Variants in GLRA3 observed in about 807,000 individuals in gnomAD.
GLRA3 encodes glycine receptor subunit alpha-3.
A neutral mutation model predicts 60.4 loss-of-function variants in GLRA3; 44 were observed. The observed-to-expected ratio is 0.73, with a 90% CI of 0.57 to 0.94. The LOEUF is 0.94. Among genes scored for constraint, GLRA3 ranks in the 40% least tolerant of loss-of-function variants. GLRA3 has a pLI of 0.00. For synonymous variants in GLRA3, 223 were observed against 192.9 expected (o/e 1.16, Z -1.29); for missense variants, 508 against 564.6 (o/e 0.90, Z 1.02).
chr4:174,719,018 A>T (rs929105530), intron 4 of GLRA3, among the ~76,000 whole-genome samples: 1 of 124,224 alleles, frequency 8.0e-6, no homozygotes, highest in African/African-American at 3.1e-5. Flanking sequence ...GCTGGAGTGC[A>T]GTGGCGCAAT....
At chr4:174,790,884 G>C (rs1739319058) in intron 1 of GLRA3, among the ~76,000 whole-genome samples, 6 of 145,514 alleles carry the variant, frequency 4.1e-5, no homozygotes, top group Admixed American at 1.4e-4. Flanking sequence ...GGCTCCTGTA[G>C]TCCCAGCTAC....
intron 7 of GLRA3, among the ~76,000 whole-genome samples, chr4:174,668,296 T>A (rs890970927): frequency 6.6e-6 from 1 of 152,168 alleles, no homozygotes; most frequent in Non-Finnish European, 1.5e-5. Flanking sequence ...GAGAAATAGA[T>A]GGTTTGCATA....
chr4:174,821,251 T>C (rs1431157850), intron 1 of GLRA3, among the ~76,000 whole-genome samples: 3 of 152,212 alleles, frequency 2.0e-5, no homozygotes, highest in Non-Finnish European at 2.9e-5. Context: ...ACTATATGCA[T>C]TTATGGAAAA....
chr4:174,757,070 G>C (rs74924043), intron 3 of GLRA3, among the ~76,000 whole-genome samples: 8,952 of 152,226 alleles, frequency 0.059, 324 homozygotes, highest in African/African-American at 0.086. Context: ...AGTGCAATAA[G>C]GTAAGAGGGA....
chr4:174,670,480 G>C (rs1733863197), intron 7 of GLRA3, among the ~76,000 whole-genome samples: 1 of 152,148 alleles, frequency 6.6e-6, no homozygotes, highest in Non-Finnish European at 1.5e-5. Context: ...CTCAGGGTAC[G>C]ATTCTAGGAT....
chr4:174,728,760 T>C, intron 3 of GLRA3, 62 bp from the exon 4 acceptor site: 1 of 1,050,804 alleles, frequency 9.5e-7, no homozygotes, highest in Non-Finnish European at 1.4e-6. Flanking sequence ...TTAAAATCCA[T>C]AGTGTCAGTG....
chr4:174,671,763 C>T (rs1271741046), intron 7 of GLRA3, among the ~76,000 whole-genome samples: 1 of 152,092 alleles, frequency 6.6e-6, no homozygotes, highest in Admixed American at 6.6e-5. Flanking sequence ...GATTCTGGTG[C>T]CTCAGCCTCT....
Position 174,682,822 on chromosome 4 carries a change from C to T in GLRA3, c.692G>A (p.Cys231Tyr). The T allele has an allele frequency of 1.9e-6, 3 of 1,612,464 alleles. No individual in the cohort carries two copies. The highest frequency in any genetic ancestry group is 2.5e-6 in the Non-Finnish European group (3 of 1,178,568). The change falls in exon 6 of 10, where the codon TGC becomes TAC. Residue 231 changes from cysteine (C) to tyrosine (Y), a missense_variant. Transcript: ENST00000274093. The stretch of plus-strand genomic sequence containing the variant: ...CCTACCTGTATTGTAATGTTTAGTG[C>T]AGTATCGTAAATCTTTTTCTTCTTT... Reference protein sequence around the residue: ...LLKEEKDLRYCTKHYNTGKFT... With the variant: ...LLKEEKDLRYYTKHYNTGKFT...
At chr4:174,723,348 G>T (rs2111118172) in intron 4 of GLRA3, among the ~76,000 whole-genome samples, 1 of 152,176 alleles carries the variant, frequency 6.6e-6, no homozygotes, top group East Asian at 1.9e-4. Context: ...TTTTGTCTTT[G>T]ATGACATATT....
intron 7 of GLRA3, among the ~76,000 whole-genome samples, chr4:174,671,137 C>T (rs1017511784): frequency 4.6e-5 from 7 of 152,030 alleles, no homozygotes; most frequent in African/African-American, 1.7e-4. Flanking sequence ...ATTACACATT[C>T]TGTCACAGTA....
intron 1 of GLRA3, among the ~76,000 whole-genome samples, chr4:174,798,537 C>A (rs2111333286): frequency 6.6e-6 from 1 of 152,240 alleles, no homozygotes; most frequent in East Asian, 1.9e-4. Flanking sequence ...GAAAAAGAAT[C>A]ATTGCAGTGA....
intron 9 of GLRA3, among the ~76,000 whole-genome samples, chr4:174,655,030 T>C (rs1306479690): frequency 6.6e-6 from 1 of 152,200 alleles, no homozygotes; most frequent in Non-Finnish European, 1.5e-5. Context: ...TTCCTAGGAA[T>C]AATAATTGCA....
chr4:174,673,889 C>T (rs1734003290), intron 7 of GLRA3, among the ~76,000 whole-genome samples: 1 of 152,150 alleles, frequency 6.6e-6, no homozygotes, highest in South Asian at 2.1e-4. Flanking sequence ...TGCCTAGTTA[C>T]TTACTTGAAT....
intron 3 of GLRA3, among the ~76,000 whole-genome samples, chr4:174,756,895 C>A (rs1737728516): frequency 6.6e-6 from 1 of 152,148 alleles, no homozygotes; most frequent in African/African-American, 2.4e-5. Context: ...ATCCACCCGC[C>A]ACGGCCTCCC....
At chr4:174,692,345 G>A (rs1353683578) in intron 5 of GLRA3, among the ~76,000 whole-genome samples, 35 of 145,874 alleles carry the variant, frequency 2.4e-4, no homozygotes, top group East Asian at 8.4e-4. Flanking sequence ...TCGGCCAGCC[G>A]CCACGTCCGG....
At chr4:174,774,982 A>G (rs1738541079) in intron 2 of GLRA3, among the ~76,000 whole-genome samples, 1 of 152,338 alleles carries the variant, frequency 6.6e-6, no homozygotes, top group South Asian at 2.1e-4. Flanking sequence ...CACTTCTGTT[A>G]GTTTGAGATT....
At chr4:174,819,149 T>G (rs1447179184) in intron 1 of GLRA3, among the ~76,000 whole-genome samples, 1 of 152,188 alleles carries the variant, frequency 6.6e-6, no homozygotes, top group Non-Finnish European at 1.5e-5. Flanking sequence ...TGATGGAAAT[T>G]AACAAAAACA....
chr4:174,731,037 G>A (rs1736527609), intron 3 of GLRA3, among the ~76,000 whole-genome samples: 1 of 152,166 alleles, frequency 6.6e-6, no homozygotes, highest in Non-Finnish European at 1.5e-5. Flanking sequence ...TGATGAATAT[G>A]TTAATTAGCT....
At chr4:174,747,816 A>G (rs1162171437) in intron 3 of GLRA3, among the ~76,000 whole-genome samples, 1 of 145,008 alleles carries the variant, frequency 6.9e-6, no homozygotes, top group Non-Finnish European at 1.5e-5. Flanking sequence ...TATTTGAGAA[A>G]CCAACTTACT....
Sources: gnomAD v4.1 joint callset for allele counts (sites outside exome capture counted in the v4.1 genomes callset) on GRCh38, gnomAD v4.1.1 for gene constraint, MANE v1.5 for transcripts, NCBI Gene and HGNC (gene_info 2026-07-23, HGNC 2026-07-21) for gene names.